EMP2: variants seen among roughly 807,000 people sequenced by gnomAD.
The protein encoded by EMP2 is epithelial membrane protein 2.
In EMP2, 19 loss-of-function variants were observed where a neutral mutation model predicts 13.7. That is an observed-to-expected ratio of 1.38 (90% CI 0.97 to 2.03). EMP2 has a LOEUF of 2.03. Among genes scored for constraint, EMP2 ranks in the 30% most tolerant of loss-of-function variants. The pLI, the probability that EMP2 is intolerant of heterozygous loss-of-function variation, is 0.00. For missense variants in EMP2, 253 were observed against 220.7 expected, an observed-to-expected ratio of 1.15 and a Z score of -0.93; for synonymous variants, 97 against 84.7, an observed-to-expected ratio of 1.15 and a Z score of -0.80.
chr16:10,558,048 T>A (rs1386968566), intron 1 of EMP2, among the ~76,000 whole-genome samples: 2 of 150,576 alleles, frequency 1.3e-5, no homozygotes, highest in Non-Finnish European at 3.0e-5. Context: ...TTTTTTTTTT[T>A]AAACAGGATC....
intron 1 of EMP2, among the ~76,000 whole-genome samples, chr16:10,558,834 T>G (rs1219489199): frequency 6.6e-6 from 1 of 151,994 alleles, no homozygotes; most frequent in Non-Finnish European, 1.5e-5. Flanking sequence ...AGAGAGAACG[T>G]GCTGTTAAGA....
At chr16:10,553,873 A>T (rs1300642240) in intron 1 of EMP2, among the ~76,000 whole-genome samples, 5 of 152,194 alleles carry the variant, frequency 3.3e-5, no homozygotes, top group Non-Finnish European at 7.3e-5. Flanking sequence ...TTAAAGATAG[A>T]TTCCTAATAG....
At chr16:10,572,539 C>A (rs919882031) in intron 1 of EMP2, among the ~76,000 whole-genome samples, 4 of 152,118 alleles carry the variant, frequency 2.6e-5, no homozygotes, top group African/African-American at 7.2e-5. Flanking sequence ...CCGAGTCCAT[C>A]TTTGTTCACT....
At chr16:10,554,986 TTTA>T (rs1272205972) in intron 1 of EMP2, among the ~76,000 whole-genome samples, 2 of 152,192 alleles carry the variant, frequency 1.3e-5, no homozygotes, top group Non-Finnish European at 2.9e-5. Context: ...CGTTCAGTTG[TTTA>T]TTGTCTCTCC....
chr16:10,546,955 C>G (rs2050744433), intron 2 of EMP2: 1 of 152,248 alleles, frequency 6.6e-6, no homozygotes, highest in South Asian at 2.1e-4. Context: ...CCCTGCCTGC[C>G]AGGACCTGCC....
At chr16:10,537,194 T>A (rs1159699179) in intron 4 of EMP2, among the ~76,000 whole-genome samples, 1 of 152,218 alleles carries the variant, frequency 6.6e-6, no homozygotes, top group Non-Finnish European at 1.5e-5. Flanking sequence ...AAGCTTTAAA[T>A]CGTCACTGAG....
At chr16:10,549,715 GCACACACACACACT>G (rs1207069238) in intron 1 of EMP2, among the ~76,000 whole-genome samples, 3 of 80,678 alleles carry the variant, frequency 3.7e-5, no homozygotes, top group Non-Finnish European at 6.7e-5. Flanking sequence ...ATTAATGCAC[GCACACACACACACT>G]CACACACACA....
At chr16:10,560,040 G>C (rs2050860729) in intron 1 of EMP2, among the ~76,000 whole-genome samples, 1 of 152,154 alleles carries the variant, frequency 6.6e-6, no homozygotes, top group African/African-American at 2.4e-5. Flanking sequence ...ATGTCACACA[G>C]CTAGTAAAAG....
At chr16:10,555,387 G>A (rs1220942880) in intron 1 of EMP2, among the ~76,000 whole-genome samples, 1 of 152,170 alleles carries the variant, frequency 6.6e-6, no homozygotes, top group Non-Finnish European at 1.5e-5. Flanking sequence ...TTACCCACCT[G>A]AAGGTAGGAG....
chr16:10,551,102 A>C (rs7205127), intron 1 of EMP2, among the ~76,000 whole-genome samples: 11 of 152,164 alleles, frequency 7.2e-5, no homozygotes, highest in African/African-American at 1.7e-4. Context: ...AGAACGTTTC[A>C]TCACCCCCAA....
chr16:10,540,284 T>C (rs532592004), intron 3 of EMP2, among the ~76,000 whole-genome samples: 42 of 152,256 alleles, frequency 2.8e-4, no homozygotes, highest in African/African-American at 9.6e-4. Context: ...GGCAGGTGGA[T>C]CACCTGAGGT....
chr16:10,565,120 G>A (rs938063105), intron 1 of EMP2, among the ~76,000 whole-genome samples: 4 of 152,128 alleles, frequency 2.6e-5, no homozygotes, highest in African/African-American at 9.7e-5. Flanking sequence ...AGTCATATTC[G>A]CACAAAACTG....
intron 1 of EMP2, among the ~76,000 whole-genome samples, chr16:10,560,558 C>T (rs1247901892): frequency 2.6e-5 from 4 of 152,238 alleles, no homozygotes; most frequent in African/African-American, 9.6e-5. Flanking sequence ...ATTTATTGAG[C>T]ACCTGCTATG....
Position 10,529,030 on chromosome 16 carries a change from T to TAC in EMP2, c.*3873_*3874dup, listed in dbSNP as rs2050577082. ...GTTCCTGTATTCAGGTATATATATA[T>TAC]ACACATTCACACAGACCAACAAGTC... On this transcript the variant is annotated 3_prime_UTR_variant, in exon 5 of 5. Coordinates refer to ENST00000359543, the MANE Select transcript of EMP2 (RefSeq NM_001424.6). The TAC allele has an allele frequency of 6.6e-6, 1 of 152,104 alleles. No homozygotes were observed. Among genetic ancestry groups the TAC allele is most frequent in the Admixed American group, 6.5e-5 (1 of 15,270 alleles). The allele number at this position is 152,104 out of a possible 1,614,324, so 9.4% of individuals were successfully genotyped here. A position where few individuals can be genotyped will look rare whatever the true frequency, so the allele number is the denominator to read the frequency against.
chr16:10,548,924 T>A (rs115179084), intron 1 of EMP2, among the ~76,000 whole-genome samples: 2 of 152,146 alleles, frequency 1.3e-5, no homozygotes, highest in African/African-American at 2.4e-5. Flanking sequence ...CAGAACTTCA[T>A]GACATGGCCA....
At chr16:10,533,600 G>C (rs1260121255) in intron 4 of EMP2, among the ~76,000 whole-genome samples, 1 of 152,158 alleles carries the variant, frequency 6.6e-6, no homozygotes, top group Non-Finnish European at 1.5e-5. Flanking sequence ...ACACAAGTCT[G>C]CCACAGTAGC....
At chr16:10,539,820 A>C (rs2142173501) in intron 3 of EMP2, among the ~76,000 whole-genome samples, 1 of 152,296 alleles carries the variant, frequency 6.6e-6, no homozygotes, top group East Asian at 1.9e-4. Flanking sequence ...AAAGCCACCG[A>C]GGGAATTCCA....
At chr16:10,547,508 T>G in intron 2 of EMP2, 32 bp downstream of exon 2, 1 of 1,611,606 alleles carries the variant, frequency 6.2e-7, no homozygotes, top group South Asian at 1.1e-5. Context: ...AGGACCCAGG[T>G]TTCTGCGTGA....
At chr16:10,561,675 G>A (rs918525884) in intron 1 of EMP2, among the ~76,000 whole-genome samples, 1 of 152,194 alleles carries the variant, frequency 6.6e-6, no homozygotes, top group African/African-American at 2.4e-5. Flanking sequence ...ATGTTGCCTT[G>A]TAGTTGTTTA....
Sources: gnomAD v4.1 joint callset for allele counts (sites outside exome capture counted in the v4.1 genomes callset) on GRCh38, gnomAD v4.1.1 for gene constraint, MANE v1.5 for transcripts, NCBI Gene and HGNC (gene_info 2026-07-23, HGNC 2026-07-21) for gene names.